Variants in NRXN3 observed in about 807,000 individuals in gnomAD.
The protein encoded by NRXN3 is neurexin III.
A neutral mutation model predicts 137.6 loss-of-function variants in NRXN3; 32 were observed. That is an observed-to-expected ratio of 0.23 (90% confidence interval 0.18 to 0.31). NRXN3 has a LOEUF of 0.31. Ranked by LOEUF, NRXN3 falls within the 10% of genes least tolerant of loss-of-function variation. The probability of loss-of-function intolerance (pLI) is 1.00; values close to 1 mark genes in which losing one functional copy is unlikely to be tolerated. For missense variants in NRXN3, 1,574 were observed against 2,062.5 expected, an observed-to-expected ratio of 0.76 and a Z score of 4.59; for synonymous variants, 798 against 784.5, an observed-to-expected ratio of 1.02 and a Z score of -0.29.
At chr14:78,841,888 G>A (rs1347426775) in intron 10 of NRXN3, among the ~76,000 whole-genome samples, 3 of 151,996 alleles carry the variant, frequency 2.0e-5, no homozygotes, top group Admixed American at 6.6e-5. Context: ...AATAAGTTTG[G>A]TAGCATGTTT....
chr14:79,696,669 ACT>A (rs1222533029), intron 18 of NRXN3, among the ~76,000 whole-genome samples: 1 of 151,738 alleles, frequency 6.6e-6, no homozygotes, highest in Non-Finnish European at 1.5e-5. Context: ...ATTCTTCTAA[ACT>A]CTATACTGGT....
chr14:79,610,165 C>T (rs1329074418), intron 16 of NRXN3, among the ~76,000 whole-genome samples: 6 of 151,974 alleles, frequency 3.9e-5, no homozygotes, highest in Non-Finnish European at 8.8e-5. Context: ...TGGCCTAATT[C>T]ATAGAGTCAA....
At chr14:78,403,881 A>G (rs1567492498) in intron 4 of NRXN3, 1 of 985,228 alleles carries the variant, frequency 1.0e-6, no homozygotes, top group Non-Finnish European at 1.2e-6. Flanking sequence ...CTTGGCAGGT[A>G]AGTCTTTCGG....
chr14:79,739,017 G>T (rs2098951661), intron 19 of NRXN3, among the ~76,000 whole-genome samples: 1 of 152,292 alleles, frequency 6.6e-6, no homozygotes, highest in African/African-American at 2.4e-5. Flanking sequence ...ATAAAATATG[G>T]TGTAAATAAA....
intron 16 of NRXN3, among the ~76,000 whole-genome samples, chr14:79,550,068 C>A (rs2097359711): frequency 6.6e-6 from 1 of 152,056 alleles, no homozygotes; most frequent in Non-Finnish European, 1.5e-5. Flanking sequence ...CTCCCAGGTT[C>A]AAGGGATTCT....
rs1216095416 is a variant in NRXN3 at position 79,863,381 on chromosome 14, G to A, written c.*1417G>A. On this transcript the variant is annotated 3_prime_UTR_variant, in exon 21 of 21. Coordinates refer to ENST00000335750, the MANE Select transcript of NRXN3 (RefSeq NM_001330195.2). ...ATGTTTGATGGGATGACTGACACAG[G>A]AAATCTGTTAAAGTCTTAAAATGGA... The A allele has an allele frequency of 2.0e-5, 3 of 151,422 alleles. No individual in the cohort carries two copies. Among genetic ancestry groups the A allele is most frequent in the South Asian group, 2.1e-4 (1 of 4,808 alleles). 9.4% of individuals were successfully genotyped at this position (151,422 alleles called of 1,614,324 possible). A position where few individuals can be genotyped will look rare whatever the true frequency, so the allele number is the denominator to read the frequency against.
At chr14:79,001,977 A>C (rs2099542256) in intron 15 of NRXN3, among the ~76,000 whole-genome samples, 1 of 152,164 alleles carries the variant, frequency 6.6e-6, no homozygotes, top group Non-Finnish European at 1.5e-5. Flanking sequence ...CCAATAAATA[A>C]AGCAAGTAGG....
At chr14:79,091,843 C>G (rs2049262256) in intron 15 of NRXN3, among the ~76,000 whole-genome samples, 1 of 151,568 alleles carries the variant, frequency 6.6e-6, no homozygotes, top group Non-Finnish European at 1.5e-5. Context: ...TTCCAGTGCT[C>G]TGGGGACAAA....
chr14:78,773,535 G>T (rs1354578205), intron 8 of NRXN3, among the ~76,000 whole-genome samples: 1 of 152,086 alleles, frequency 6.6e-6, no homozygotes, highest in Non-Finnish European at 1.5e-5. Context: ...ACACTCCCCT[G>T]CAGTTATAAA....
intron 10 of NRXN3, among the ~76,000 whole-genome samples, chr14:78,825,129 G>A (rs893539556): frequency 1.3e-5 from 2 of 149,766 alleles, no homozygotes; most frequent in East Asian, 2.0e-4. Flanking sequence ...TCCAGGAGGC[G>A]GAGGTTGCAG....
At chr14:78,202,682 C>A (rs991189929) in intron 1 of NRXN3, among the ~76,000 whole-genome samples, 2 of 152,150 alleles carry the variant, frequency 1.3e-5, no homozygotes, top group East Asian at 1.9e-4. Context: ...TGACACCCTG[C>A]GAGGGAAAAC....
At chr14:78,186,773 A>G (rs1349568734) in intron 1 of NRXN3, among the ~76,000 whole-genome samples, 1 of 152,068 alleles carries the variant, frequency 6.6e-6, no homozygotes, top group Non-Finnish European at 1.5e-5. Context: ...AGTAGGGGAG[A>G]TAAAAGGGAC....
At chr14:78,493,869 A>AT (rs1187179200) in intron 4 of NRXN3, among the ~76,000 whole-genome samples, 2 of 152,162 alleles carry the variant, frequency 1.3e-5, no homozygotes, top group East Asian at 1.9e-4. Flanking sequence ...TAAGGTCCAG[A>AT]TTTTTTTGTC....
intron 8 of NRXN3, among the ~76,000 whole-genome samples, chr14:78,732,566 G>A (rs552242251): frequency 6.6e-6 from 1 of 152,236 alleles, no homozygotes; most frequent in Admixed American, 6.5e-5. Context: ...TCTGTTTGGT[G>A]GTTCTAATGT....
At chr14:79,585,429 G>T (rs2097756809) in intron 16 of NRXN3, among the ~76,000 whole-genome samples, 1 of 152,132 alleles carries the variant, frequency 6.6e-6, no homozygotes, top group Admixed American at 6.5e-5. Context: ...GCTCATACCT[G>T]TAAACCCAGC....
chr14:79,592,498 G>A (rs1483388049), intron 16 of NRXN3, among the ~76,000 whole-genome samples: 1 of 151,992 alleles, frequency 6.6e-6, no homozygotes, highest in African/African-American at 2.4e-5. Flanking sequence ...CAACTACTAA[G>A]TTACACATTC....
At chr14:79,197,794 A>G (rs1003079055) in intron 15 of NRXN3, among the ~76,000 whole-genome samples, 3 of 152,304 alleles carry the variant, frequency 2.0e-5, no homozygotes, top group Non-Finnish European at 2.9e-5. Context: ...TCTTCCTTTC[A>G]TGAAAGACTT....
intron 8 of NRXN3, among the ~76,000 whole-genome samples, chr14:78,722,339 T>A (rs528589046): frequency 6.6e-6 from 1 of 152,152 alleles, no homozygotes; most frequent in African/African-American, 2.4e-5. Flanking sequence ...ACATTGCCAC[T>A]GTGTATCTTT....
intron 10 of NRXN3, among the ~76,000 whole-genome samples, chr14:78,812,513 G>T (rs1467102978): frequency 3.3e-5 from 5 of 152,126 alleles, no homozygotes; most frequent in African/African-American, 1.2e-4. Context: ...ATTTGCTTTT[G>T]CTGTTCTATC....
Sources: gnomAD v4.1 joint callset for allele counts (sites outside exome capture counted in the v4.1 genomes callset) on GRCh38, gnomAD v4.1.1 for gene constraint, MANE v1.5 for transcripts, NCBI Gene and HGNC (gene_info 2026-07-23, HGNC 2026-07-21) for gene names.